KBTBD11: variants seen among roughly 807,000 people sequenced by gnomAD.
The protein encoded by KBTBD11 is kelch repeat and BTB domain-containing protein 11.
For missense variants in KBTBD11, 1,390 were observed against 1,001.8 expected (o/e 1.39, Z -5.23); for synonymous variants, 747 against 499.0 (o/e 1.50, Z -6.63).
intron 1 of KBTBD11, among the ~76,000 whole-genome samples, chr8:1,981,998 C>T (rs972431541): frequency 6.6e-6 from 1 of 152,176 alleles, no homozygotes; most frequent in Non-Finnish European, 1.5e-5. Context: ...ATCTACCGGT[C>T]TATCTAGCCT....
intron 1 of KBTBD11, among the ~76,000 whole-genome samples, chr8:1,979,587 C>G (rs1272191516): frequency 6.6e-6 from 1 of 152,230 alleles, no homozygotes; most frequent in Non-Finnish European, 1.5e-5. Flanking sequence ...CGAGATTGCG[C>G]CACTGCACTC....
intron 1 of KBTBD11, among the ~76,000 whole-genome samples, chr8:1,983,855 C>T (rs1046410478): frequency 5.9e-5 from 9 of 152,368 alleles, no homozygotes; most frequent in African/African-American, 9.6e-5. Context: ...TGGGGCTGGG[C>T]GTGGTGGCTT....
At chr8:1,974,680 C>T (rs934287240) in intron 1 of KBTBD11, 1 of 985,372 alleles carries the variant, frequency 1.0e-6, no homozygotes, top group Non-Finnish European at 1.2e-6. Flanking sequence ...GCTGGGGAGA[C>T]CCCCGGGCGG....
Position 1,987,038 on chromosome 8 carries a change from GCA to G in KBTBD11, c.-909+13116_-909+13117del, listed in dbSNP as rs1233467938. On this transcript the variant is annotated intron_variant, in intron 1 of 1. Transcript: ENST00000320248. ...AAAAAAAAAAAAAAAAAAAAACCAC[GCA>G]CACACACACACAAAGAAGGAACCTG... Among the ~76,000 whole-genome samples, 3 of 125,794 alleles carry G rather than the reference GCA, an allele frequency of 2.4e-5. No homozygotes were observed. The East Asian group carries it at 7.2e-4, about 30-fold the overall frequency. The allele number at this position is 125,794 out of a possible 152,430, so 82.5% of individuals were successfully genotyped here.
At position 1,982,323 on chromosome 8, in the gene KBTBD11, C is replaced by G. The variant is rs993105947; in HGVS notation, c.-909+8388C>G. Among the ~76,000 whole-genome samples the G allele has an allele frequency of 5.7e-4, 86 of 151,868 alleles. 1 individual carries two copies. The highest frequency in any genetic ancestry group is 1.6e-4 in the Non-Finnish European group (11 of 67,992). On this transcript the variant is annotated intron_variant, in intron 1 of 1. Coordinates refer to ENST00000320248, the MANE Select transcript of KBTBD11 (RefSeq NM_014867.3). ...AAAGTCTAATCATAAAGGAAGACAG[C>G]AAGAGAGGAAGAAAGGAACAAAAGA...
chr8:1,983,117 T>C (rs1410083826), intron 1 of KBTBD11, among the ~76,000 whole-genome samples: 1 of 152,162 alleles, frequency 6.6e-6, no homozygotes, highest in African/African-American at 2.4e-5. Context: ...GAGGCAGCAG[T>C]GACCTGCTAG....
chr8:1,993,213 C>CTGGGA (rs1816982460), intron 1 of KBTBD11, among the ~76,000 whole-genome samples: 1 of 152,096 alleles, frequency 6.6e-6, no homozygotes, highest in African/African-American at 2.4e-5. Context: ...TTCTGAAGTG[C>CTGGGA]TGGGATTACA....
intron 1 of KBTBD11, among the ~76,000 whole-genome samples, chr8:1,975,646 A>T (rs1490364384): frequency 6.6e-6 from 1 of 152,178 alleles, no homozygotes; most frequent in Non-Finnish European, 1.5e-5. Flanking sequence ...CATCTGAACC[A>T]TTCGTGACTG....
chr8:1,974,620 C>T (rs1816260572), intron 1 of KBTBD11: 1 of 985,212 alleles, frequency 1.0e-6, no homozygotes, highest in Non-Finnish European at 1.2e-6. Context: ...CCCCACCGCG[C>T]CGCGGCTCCC....
chr8:1,989,101 G>A (rs1191768083), intron 1 of KBTBD11, among the ~76,000 whole-genome samples: 1 of 152,102 alleles, frequency 6.6e-6, no homozygotes, highest in Non-Finnish European at 1.5e-5. Context: ...TCTTTCAGCC[G>A]GTGCCTCTCT....
chr8:2,002,854 C>T lies in KBTBD11; in HGVS notation c.1662C>T (p.Arg554=). The T allele has an allele frequency of 1.4e-6, 2 of 1,390,252 alleles. No homozygotes were observed. Among genetic ancestry groups the T allele is most frequent in the Non-Finnish European group, 9.2e-7 (1 of 1,082,050 alleles). The allele number at this position is 1,390,252 out of a possible 1,614,324, so 86.1% of individuals were successfully genotyped here. A position where few individuals can be genotyped will look rare whatever the true frequency, so the allele number is the denominator to read the frequency against. The change falls in exon 2 of 2, where the codon CGC becomes CGT. Residue 554 remains arginine (R), a synonymous_variant. Coordinates refer to ENST00000320248, the MANE Select transcript of KBTBD11 (RefSeq NM_014867.3). The surrounding 1 kb of genome is among the most constrained non-coding windows in gnomAD (Gnocchi z 4.1). ...GCCCCACGGGCCTGCAGCCCTTCCGCTGCGCCGCCCTGGACGGCGCCATCT... is the reference window on the plus strand; with the variant it reads ...GCCCCACGGGCCTGCAGCCCTTCCGTTGCGCCGCCCTGGACGGCGCCATCT... ...PGGPTGLQPF[R]CAALDGAIYC...
At chr8:1,996,781 A>G (rs1817157401) in intron 1 of KBTBD11, among the ~76,000 whole-genome samples, 1 of 152,200 alleles carries the variant, frequency 6.6e-6, no homozygotes, top group Non-Finnish European at 1.5e-5. Context: ...GAAATCATAC[A>G]AAATCTTATT....
rs142602668 is a variant in KBTBD11 at position 2,006,817 on chromosome 8, T to C, written c.*3753T>C. The C allele has an allele frequency of 1.0e-3, 172 of 167,218 alleles. 3 individuals carry two copies. In the South Asian group the frequency reaches 0.026, roughly 25 times the overall value. The allele number at this position is 167,218 out of a possible 1,614,324, so 10.4% of individuals were successfully genotyped here. A position where few individuals can be genotyped will look rare whatever the true frequency, so the allele number is the denominator to read the frequency against. ...CAAGTTCAGGGCAGCTGTTGTGATC[T>C]GTGTAGTTAATGTATTTATTAATGC... is the stretch of plus-strand genomic sequence containing the variant. On this transcript the variant is annotated 3_prime_UTR_variant, in exon 2 of 2. Transcript: ENST00000320248.
intron 1 of KBTBD11, among the ~76,000 whole-genome samples, chr8:1,989,892 C>G (rs1219842003): frequency 2.1e-5 from 3 of 144,182 alleles, no homozygotes; most frequent in Non-Finnish European, 4.5e-5. Flanking sequence ...AGGGCCAGCT[C>G]ACTAGGGAAC....
rs139928266 is a variant in KBTBD11, at chr8:2,000,523, T to G, written c.-670T>G. Reference sequence around the variant, plus strand: ...AGTGTCCTCCCCGTGACCTTGCAGTTGTGTAGCCACAAGTGGGAGCCACAG... The same window carrying G: ...AGTGTCCTCCCCGTGACCTTGCAGTGGTGTAGCCACAAGTGGGAGCCACAG... On this transcript the variant is annotated 5_prime_UTR_variant, in exon 2 of 2. Coordinates refer to ENST00000320248, the MANE Select transcript of KBTBD11 (RefSeq NM_014867.3). The G allele has an allele frequency of 1.6e-4, 25 of 152,290 alleles. No homozygotes were observed. Among genetic ancestry groups the G allele is most frequent in the African/African-American group, 5.8e-4 (24 of 41,544 alleles). 9.4% of individuals were successfully genotyped at this position (152,290 alleles called of 1,614,324 possible).
chr8:1,978,479 G>A (rs1449111581), intron 1 of KBTBD11, among the ~76,000 whole-genome samples: 1 of 152,214 alleles, frequency 6.6e-6, no homozygotes, highest in Non-Finnish European at 1.5e-5. Flanking sequence ...CTGTCACTGT[G>A]TGACCGTCCA....
intron 1 of KBTBD11, among the ~76,000 whole-genome samples, chr8:1,980,747 G>C (rs1487880510): frequency 1.3e-5 from 2 of 152,174 alleles, no homozygotes; most frequent in South Asian, 4.1e-4. Context: ...GCAGGGCAGG[G>C]GCAGCATGTT....
In KBTBD11 at chr8:1,973,792, G is replaced by C. The variant is rs1044503525; in HGVS notation, c.-1052G>C. ...GCCGCCCACGCCCCGCTGCGGGTCGGAGGAGCAGCTCCCGCTCGCAGGTGC... is the reference window on the plus strand; with the variant it reads ...GCCGCCCACGCCCCGCTGCGGGTCGCAGGAGCAGCTCCCGCTCGCAGGTGC... On this transcript the variant is annotated 5_prime_UTR_variant, in exon 1 of 2. Coordinates refer to ENST00000320248, the MANE Select transcript of KBTBD11 (RefSeq NM_014867.3). 9.5e-5 allele frequency: 93 copies of C among 983,620 alleles called. No individual in the cohort carries two copies. Among genetic ancestry groups the C allele is most frequent in the Non-Finnish European group, 1.1e-4 (88 of 829,316 alleles). The allele number at this position is 983,620 out of a possible 1,614,324, so 60.9% of individuals were successfully genotyped here. A position where few individuals can be genotyped will look rare whatever the true frequency, so the allele number is the denominator to read the frequency against.
chr8:1,979,636 A>G (rs1249395351), intron 1 of KBTBD11, among the ~76,000 whole-genome samples: 8 of 152,200 alleles, frequency 5.3e-5, no homozygotes, highest in Non-Finnish European at 1.2e-4. Flanking sequence ...CTCAAAACAA[A>G]ACCCTTCATA....
Sources: gnomAD v4.1 joint callset for allele counts (sites outside exome capture counted in the v4.1 genomes callset) on GRCh38, gnomAD v4.1.1 for gene constraint, Gnocchi (gnomAD v3.1) non-coding constraint, MANE v1.5 for transcripts, NCBI Gene and HGNC (gene_info 2026-07-23, HGNC 2026-07-21) for gene names.